Variants in MMRN1 observed in about 807,000 individuals in gnomAD.
The protein encoded by MMRN1 is multimerin 1.
MMRN1 carries 94 observed loss-of-function variants against 100.7 expected under a neutral mutation model. That is an observed-to-expected ratio of 0.93 (90% CI 0.79 to 1.11). MMRN1 has a LOEUF of 1.11. MMRN1 is among the 50% of genes least tolerant of loss of function. The pLI, the probability that MMRN1 is intolerant of heterozygous loss-of-function variation, is 0.00. For missense variants in MMRN1, 1,606 were observed against 1,439.1 expected, an observed-to-expected ratio of 1.12 and a Z score of -1.88; for synonymous variants, 575 against 505.0, an observed-to-expected ratio of 1.14 and a Z score of -1.86.
upstream of MMRN1, among the ~76,000 whole-genome samples, chr4:89,894,194 G>T (rs572963216): frequency 1.3e-5 from 2 of 152,168 alleles, no homozygotes; most frequent in East Asian, 3.9e-4. Flanking sequence ...CCATTAGTGG[G>T]TATCTCTGGT....
rs1016216415 is a variant in MMRN1, at chr4:89,901,783, A to G, written c.623+6189A>G. On this transcript the variant is annotated intron_variant, in intron 1 of 7. Transcript: ENST00000264790. Reference sequence around the variant, plus strand: ...ACTTTGCTGTTTCTACTCTGTTACTATAAATATATATTGCATTTCATATGC... The same window carrying G: ...ACTTTGCTGTTTCTACTCTGTTACTGTAAATATATATTGCATTTCATATGC... 4.6e-5 allele frequency among the ~76,000 whole-genome samples: 7 copies of G among 152,204 alleles called. No homozygotes were observed. In the East Asian group the frequency reaches 9.7e-4, roughly 21 times the overall value.
Position 89,895,378 on chromosome 4 carries a change from AT to A in MMRN1, c.409del (p.Ser137LeufsTer3), listed in dbSNP as rs1560578925. ...NPGAESVVLS[N>X]STLKFLQSFA... ...GGAGCAGAATCAGTGGTCCTTTCCA[AT>A]TCTACACTGAAATTTCTTCAGAGCT... is the stretch of plus-strand genomic sequence containing the variant. On this transcript the variant is annotated frameshift_variant, in exon 1 of 8. Transcript: ENST00000264790. LOFTEE classifies it high-confidence loss of function. The A allele has an allele frequency of 6.2e-7, 1 of 1,613,844 alleles. No individual in the cohort carries two copies. The highest frequency in any genetic ancestry group is 1.3e-5 in the African/African-American group (1 of 74,896).
chr4:89,933,784 T>G (rs1722518426), intron 5 of MMRN1, among the ~76,000 whole-genome samples: 1 of 152,180 alleles, frequency 6.6e-6, no homozygotes, highest in Non-Finnish European at 1.5e-5. Context: ...GGAGGTACCA[T>G]TCAAGATGAG....
Position 89,944,880 on chromosome 4 carries a change from TA to T in MMRN1, c.3119-6724del, listed in dbSNP as rs1430502874. Among the ~76,000 whole-genome samples, 8 of 152,310 alleles carry T rather than the reference TA, an allele frequency of 5.3e-5. No individual in the cohort carries two copies. The East Asian group carries it at 1.5e-3, about 29-fold the overall frequency. On this transcript the variant is annotated intron_variant, in intron 6 of 7. Coordinates refer to ENST00000264790, the MANE Select transcript of MMRN1 (RefSeq NM_007351.3). ...ATTTGTTTGTGGTATAACTTACATT[TA>T]GTTAAATGTACTAATGTTGATAGAT...
At chr4:89,896,783 G>C (rs1721218130) in intron 1 of MMRN1, among the ~76,000 whole-genome samples, 1 of 152,072 alleles carries the variant, frequency 6.6e-6, no homozygotes, top group South Asian at 2.1e-4. Context: ...ACTTATTTCT[G>C]TATTATTTAT....
chr4:89,916,568 A>G (rs1445573033), intron 3 of MMRN1, among the ~76,000 whole-genome samples: 15 of 151,674 alleles, frequency 9.9e-5, no homozygotes, highest in Admixed American at 9.9e-4. Flanking sequence ...CATTTTATAT[A>G]TATTATTTTC....
At chr4:89,941,226 C>T (rs1722811504) in intron 6 of MMRN1, among the ~76,000 whole-genome samples, 1 of 152,110 alleles carries the variant, frequency 6.6e-6, no homozygotes, top group Non-Finnish European at 1.5e-5. Context: ...TAGAAGTCCC[C>T]CAAATACGTG....
In MMRN1 at chr4:89,936,729, C is replaced by T. The variant is rs1365390771; in HGVS notation, c.3049C>T (p.Pro1017Ser). The T allele has an allele frequency of 6.2e-7, 1 of 1,613,006 alleles. No individual in the cohort carries two copies. The highest frequency in any genetic ancestry group is 1.3e-5 in the African/African-American group (1 of 74,860). ...AAAGAAAATTAACGCACTTAAGAAA[C>T]CAACGGTAAATCTTACCACAGTCCT... ...LPKKINALKK[P>S]TVNLTTVLIG... is the part of the protein sequence containing the mutation. The change falls in exon 6 of 8, where the codon CCA becomes TCA. Residue 1017 changes from proline (P) to serine (S), a missense_variant. Coordinates refer to ENST00000264790, the MANE Select transcript of MMRN1 (RefSeq NM_007351.3).
intron 2 of MMRN1, among the ~76,000 whole-genome samples, chr4:89,910,619 A>G (rs1204206752): frequency 6.6e-6 from 1 of 151,452 alleles, no homozygotes; most frequent in Non-Finnish European, 1.5e-5. Flanking sequence ...GCTCATCCTT[A>G]CAAACTCTAT....
At chr4:89,914,155 T>C (rs111775212) in intron 3 of MMRN1, among the ~76,000 whole-genome samples, 41 of 151,546 alleles carry the variant, frequency 2.7e-4, no homozygotes, top group Middle Eastern at 3.4e-3. Flanking sequence ...GCTAACCAAA[T>C]TGCAGTAGGA....
At chr4:89,942,956 A>G (rs555429868) in intron 6 of MMRN1, among the ~76,000 whole-genome samples, 1 of 152,218 alleles carries the variant, frequency 6.6e-6, no homozygotes, top group East Asian at 1.9e-4. Flanking sequence ...TAAGATTTGA[A>G]ATTTGCGTGG....
At chr4:89,887,127 A>G (rs1401910714) in intron 1 of MMRN1, among the ~76,000 whole-genome samples, 1 of 152,070 alleles carries the variant, frequency 6.6e-6, no homozygotes, top group East Asian at 1.9e-4. Flanking sequence ...GCCTTTGTCA[A>G]AAATTATTGA....
At chr4:89,942,188 C>T (rs897982864) in intron 6 of MMRN1, among the ~76,000 whole-genome samples, 3 of 152,010 alleles carry the variant, frequency 2.0e-5, no homozygotes. Flanking sequence ...GGGTTCTTTC[C>T]CAAGCAAAAA....
At chr4:89,923,318 T>A in intron 4 of MMRN1, 46 bp downstream of exon 4, 1 of 1,506,692 alleles carries the variant, frequency 6.6e-7, no homozygotes, top group Non-Finnish European at 9.2e-7. Context: ...TTATTGTCAA[T>A]GCTATTTATT....
In MMRN1 at chr4:89,951,746, C is replaced by A; in HGVS notation, c.3260C>A (p.Ala1087Asp). ...AAGCTTGTGGAAGAAAATGCTTTAG[C>A]TCCAGGTAAAAAAAAAGTATACGCA... ...TIKLVEENALAPDFSKGSYRY... is the reference protein window; with the variant it reads ...TIKLVEENALDPDFSKGSYRY... The change falls in exon 7 of 8, where the codon GCT becomes GAT. Residue 1087 changes from alanine to aspartate, a missense_variant. Coordinates refer to ENST00000264790, the MANE Select transcript of MMRN1 (RefSeq NM_007351.3). 2.5e-6 allele frequency: 4 copies of A among 1,611,400 alleles called. No individual in the cohort carries two copies. The South Asian group carries it at 4.4e-5, about 18-fold the overall frequency.
Position 89,927,849 on chromosome 4 carries a change from T to G in MMRN1, c.1010T>G (p.Leu337Arg). The change falls in exon 5 of 8, where the codon CTT becomes CGT. Residue 337 changes from leucine to arginine, a missense_variant. Leu to Arg is a moderately radical substitution (Grantham distance 102). Transcript: ENST00000264790. Reference sequence around the variant, plus strand: ...AACTACCAGGCAATGAAACTGACTCTTCTGCAGAAGAAGATTGACAATATT... The same window carrying G: ...AACTACCAGGCAATGAAACTGACTCGTCTGCAGAAGAAGATTGACAATATT... Reference protein sequence around the residue: ...QVNYQAMKLTLLQKKIDNISL... With the variant: ...QVNYQAMKLTRLQKKIDNISL... 2.5e-6 allele frequency: 4 copies of G among 1,612,848 alleles called. No individual in the cohort carries two copies. Among genetic ancestry groups the G allele is most frequent in the Non-Finnish European group, 3.4e-6 (4 of 1,179,350 alleles).
At chr4:89,923,552 A>G (rs1293078118) in intron 4 of MMRN1, among the ~76,000 whole-genome samples, 1 of 152,204 alleles carries the variant, frequency 6.6e-6, no homozygotes, top group Non-Finnish European at 1.5e-5. Flanking sequence ...GTTTTCCAAA[A>G]TAAGACCAAA....
At chr4:89,911,710 G>C (rs546012127) in intron 2 of MMRN1, among the ~76,000 whole-genome samples, 6 of 151,336 alleles carry the variant, frequency 4.0e-5, no homozygotes, top group African/African-American at 1.4e-4. Context: ...GTCAATGGCA[G>C]GTATCAATTT....
At chr4:89,905,506 G>A (rs1578472168) in intron 1 of MMRN1, among the ~76,000 whole-genome samples, 1 of 151,434 alleles carries the variant, frequency 6.6e-6, no homozygotes, top group East Asian at 1.9e-4. Flanking sequence ...TAAAGAAATG[G>A]ACATTTGAGA....
Sources: gnomAD v4.1 joint callset for allele counts (sites outside exome capture counted in the v4.1 genomes callset) on GRCh38, gnomAD v4.1.1 for gene constraint, MANE v1.5 for transcripts, NCBI Gene and HGNC (gene_info 2026-07-23, HGNC 2026-07-21) for gene names.